Variants in SLC46A3 observed in about 807,000 individuals in gnomAD.
The protein encoded by SLC46A3 is lysosomal proton-coupled steroid conjugate and bile acid symporter SLC46A3.
SLC46A3 carries 26 observed loss-of-function variants against 38.5 expected under a neutral mutation model. That is an observed-to-expected ratio of 0.68 (90% CI 0.49 to 0.94). SLC46A3 has a LOEUF of 0.94. Ranked by LOEUF, SLC46A3 falls within the 40% of genes least tolerant of loss-of-function variation. The probability of loss-of-function intolerance (pLI) is 0.00; values close to 1 mark genes in which losing one functional copy is unlikely to be tolerated. For missense variants in SLC46A3, 510 were observed against 544.3 expected (o/e 0.94, Z 0.63); for synonymous variants, 185 against 192.5 (o/e 0.96, Z 0.32).
chr13:28,701,368 G>T lies in SLC46A3; in HGVS notation c.*129C>A. Reference sequence around the variant, plus strand: ...CAGGAGCTGTCTCTCTGACTGTTCAGTTTAGAAGAAAAGATAGGTAAAATT... The same window carrying T: ...CAGGAGCTGTCTCTCTGACTGTTCATTTTAGAAGAAAAGATAGGTAAAATT... On this transcript the variant is annotated 3_prime_UTR_variant, in exon 6 of 6. Coordinates refer to ENST00000266943, the MANE Select transcript of SLC46A3 (RefSeq NM_181785.4). The T allele has an allele frequency of 3.4e-6, 5 of 1,465,470 alleles. No individual in the cohort carries two copies. The South Asian group carries it at 7.5e-5, about 22-fold the overall frequency. 90.8% of individuals were successfully genotyped at this position (1,465,470 alleles called of 1,614,324 possible).
At chr13:28,704,898 G>A (rs1315192919) in intron 4 of SLC46A3, among the ~76,000 whole-genome samples, 1 of 152,216 alleles carries the variant, frequency 6.6e-6, no homozygotes, top group Non-Finnish European at 1.5e-5. Context: ...TTGGTCAAGG[G>A]TAGGCCACTC....
Position 28,713,126 on chromosome 13 carries a change from A to G in SLC46A3, c.614T>C (p.Val205Ala), listed in dbSNP as rs1885412471. The G allele has an allele frequency of 6.2e-7, 1 of 1,613,802 alleles. No individual in the cohort carries two copies. ...ATAGATCAAATTAACAGCAAGAGAC[A>G]CAGCAATAATTAGAAACGACCACTC... ...GFEWSFLIIA[V>A]SLAVNLIYIL... Residue 205 changes from valine (V) to alanine (A), a missense_variant, in exon 3 of 6, where the codon GTG becomes GCG. Coordinates refer to ENST00000266943, the MANE Select transcript of SLC46A3 (RefSeq NM_181785.4).
chr13:28,702,988 T>G (rs1371656935), intron 5 of SLC46A3, among the ~76,000 whole-genome samples: 2 of 152,138 alleles, frequency 1.3e-5, no homozygotes, highest in East Asian at 3.9e-4. Context: ...ATTAATGAGC[T>G]CTTCATTAAT....
intron 5 of SLC46A3, among the ~76,000 whole-genome samples, chr13:28,703,416 A>T (rs917498460): frequency 3.9e-5 from 6 of 152,324 alleles, no homozygotes; most frequent in South Asian, 2.1e-4. Context: ...ATGCTAATTT[A>T]ATCAATGGTT....
rs1884973681 is a variant in SLC46A3 at position 28,700,121 on chromosome 13, A to T, written c.*1376T>A. The T allele has an allele frequency of 6.6e-6, 1 of 152,180 alleles. No individual in the cohort carries two copies. Among genetic ancestry groups the T allele is most frequent in the South Asian group, 2.1e-4 (1 of 4,824 alleles). The allele number at this position is 152,180 out of a possible 1,614,324, so 9.4% of individuals were successfully genotyped here. A position where few individuals can be genotyped will look rare whatever the true frequency, so the allele number is the denominator to read the frequency against. ...TTTATTGAGGATATAATGAGTAATC[A>T]AAGGTTGTCCCAGTACTCAAGGCGA... is the stretch of plus-strand genomic sequence containing the variant. On this transcript the variant is annotated 3_prime_UTR_variant, in exon 6 of 6. Coordinates refer to ENST00000266943, the MANE Select transcript of SLC46A3 (RefSeq NM_181785.4).
intron 5 of SLC46A3, among the ~76,000 whole-genome samples, chr13:28,702,382 T>A (rs1302280251): frequency 6.6e-6 from 1 of 152,204 alleles, no homozygotes; most frequent in Non-Finnish European, 1.5e-5. Flanking sequence ...TTAAAATTTT[T>A]TTGCTGTAAT....
intron 4 of SLC46A3, among the ~76,000 whole-genome samples, chr13:28,708,162 T>G (rs866095233): frequency 2.0e-5 from 3 of 152,210 alleles, no homozygotes; most frequent in Non-Finnish European, 4.4e-5. Flanking sequence ...TGTGGACATA[T>G]GCTTTCACTT....
chr13:28,708,247 T>C (rs966742377), intron 4 of SLC46A3, among the ~76,000 whole-genome samples: 29 of 152,310 alleles, frequency 1.9e-4, no homozygotes, highest in African/African-American at 6.3e-4. Context: ...CCAAACTGCT[T>C]TGTACAGCTG....
At chr13:28,703,231 G>A (rs920992292) in intron 5 of SLC46A3, among the ~76,000 whole-genome samples, 9 of 152,054 alleles carry the variant, frequency 5.9e-5, no homozygotes, top group Non-Finnish European at 1.2e-4. Flanking sequence ...ACAAGACAAA[G>A]TCATTAAACA....
At position 28,703,974 on chromosome 13, in the gene SLC46A3, C is replaced by A. The variant is rs1253009550; in HGVS notation, c.1270G>T (p.Gly424Cys). The part of the protein sequence containing the change: ...YPGFTFLLSA[G>C]LLLLPAISLC... ...CTGATGGCTGGAAGTAGTAACAGAC[C>A]AGCAGACAGCAGGAAAGTGAAGCCA... The change falls in exon 5 of 6, where the codon GGT becomes TGT. Residue 424 changes from glycine (G) to cysteine (C), a missense_variant. Physicochemically the swap from Gly to Cys is radical, Grantham distance 159. Transcript: ENST00000266943. 2.5e-6 allele frequency: 4 copies of A among 1,613,360 alleles called. No individual in the cohort carries two copies. The highest frequency in any genetic ancestry group is 3.4e-6 in the Non-Finnish European group (4 of 1,179,784).
chr13:28,700,626 G>C lies in SLC46A3; in HGVS notation c.*871C>G, dbSNP rs990474935. The C allele has an allele frequency of 2.0e-5, 5 of 246,236 alleles. No individual in the cohort carries two copies. The highest frequency in any genetic ancestry group is 1.1e-4 in the African/African-American group (5 of 44,752). 15.3% of individuals were successfully genotyped at this position (246,236 alleles called of 1,614,324 possible). On this transcript the variant is annotated 3_prime_UTR_variant, in exon 6 of 6. Coordinates refer to ENST00000266943, the MANE Select transcript of SLC46A3 (RefSeq NM_181785.4). ...GCAGAATTCTCAGCCAGGGATCATG[G>C]AATGTGAATATCCTTTTGCTGACAC... is the stretch of plus-strand genomic sequence containing the variant.
At chr13:28,717,718 A>C in intron 2 of SLC46A3, 92 bp downstream of exon 2, 1 of 1,292,180 alleles carries the variant, frequency 7.7e-7, no homozygotes, top group Admixed American at 2.1e-5. Flanking sequence ...CCCTAGAGAG[A>C]CCAATGGATG....
chr13:28,709,539 G>T (rs1347690983), intron 4 of SLC46A3, among the ~76,000 whole-genome samples: 1 of 152,144 alleles, frequency 6.6e-6, no homozygotes, highest in East Asian at 1.9e-4. Context: ...AAAAGGGAAG[G>T]AGGACAAGCC....
intron 1 of SLC46A3, 91 bp downstream of exon 1, chr13:28,718,405 T>C (rs933763528): frequency 1.1e-4 from 18 of 156,610 alleles, no homozygotes; most frequent in Non-Finnish European, 2.4e-4. Context: ...TGCACAATTG[T>C]TATTGTTATT....
Position 28,713,395 on chromosome 13 carries a change from G to A in SLC46A3, c.345C>T (p.Ser115=), listed in dbSNP as rs140071559. Residue 115 remains serine, a synonymous_variant, in exon 3 of 6, where the codon AGC becomes AGT. Transcript: ENST00000266943. ...AATAGCAAAGCAAACAGAGCCAAAC[G>A]CTGGTTGCAAGAGCACCAACGGAAG... ...ILSSVGALAT[S]VWLCLLCYFA... The A allele has an allele frequency of 2.2e-4, 363 of 1,613,902 alleles. 4 individuals carry two copies. The highest frequency in any genetic ancestry group is 2.2e-4 in the Non-Finnish European group (257 of 1,180,020).
At chr13:28,715,780 T>C (rs1885511133) in intron 2 of SLC46A3, among the ~76,000 whole-genome samples, 1 of 152,222 alleles carries the variant, frequency 6.6e-6, no homozygotes, top group South Asian at 2.1e-4. Context: ...CTGATCACTA[T>C]ACATTGTATG....
Position 28,713,409 on chromosome 13 carries a change from C to G in SLC46A3, c.331G>C (p.Ala111Pro). Residue 111 changes from alanine to proline, a missense_variant, in exon 3 of 6, where the codon GCT becomes CCT. Ala to Pro is a conservative substitution (Grantham distance 27). Transcript: ENST00000266943. ...KFPMILSSVG[A>P]LATSVWLCLL... ...CAGAGCCAAACGCTGGTTGCAAGAG[C>G]ACCAACGGAAGACAAAATCATAGGG... The G allele has an allele frequency of 6.2e-7, 1 of 1,614,032 alleles. No homozygotes were observed. The highest frequency in any genetic ancestry group is 8.5e-7 in the Non-Finnish European group (1 of 1,180,004).
rs1435221225 is a variant in SLC46A3 at position 28,713,123 on chromosome 13, G to A, written c.617C>T (p.Ser206Phe). The A allele has an allele frequency of 3.1e-6, 5 of 1,613,226 alleles. 1 individual carries two copies. The Admixed American group carries it at 8.3e-5, about 27-fold the overall frequency. ...FEWSFLIIAV[S>F]LAVNLIYILF... ...AATATAGATCAAATTAACAGCAAGA[G>A]ACACAGCAATAATTAGAAACGACCA... is the stretch of plus-strand genomic sequence containing the variant. The change falls in exon 3 of 6, where the codon TCT (serine) becomes TTT (phenylalanine). Residue 206 changes from serine to phenylalanine, a missense_variant. By Grantham distance (155) the Ser-to-Phe change is radical. Transcript: ENST00000266943.
chr13:28,712,885 T>C lies in SLC46A3; in HGVS notation c.855A>G (p.Glu285=). The C allele has an allele frequency of 1.9e-6, 3 of 1,610,862 alleles. No individual in the cohort carries two copies. Among genetic ancestry groups the C allele is most frequent in the South Asian group, 2.2e-5 (2 of 90,188 alleles). Residue 285 remains glutamate (E), a synonymous_variant, in exon 3 of 6, where the codon GAA becomes GAG. Coordinates refer to ENST00000266943, the MANE Select transcript of SLC46A3 (RefSeq NM_181785.4). ...CATTCCAGCAGAGTGGTGAATCCAA[T>C]TCATAAAGGATAAAAATTGGGGCAA... ...IGIAPIFILY[E]LDSPLCWNEV... is the part of the protein sequence containing the mutation.
Sources: allele counts gnomAD v4.1 joint callset (sites outside exome capture counted in the v4.1 genomes callset), GRCh38; gene constraint gnomAD v4.1.1; transcripts MANE v1.5; gene names NCBI Gene and HGNC (gene_info 2026-07-23, HGNC 2026-07-21).